Variants in ANKRD44 observed in about 807,000 individuals in gnomAD.
ANKRD44 encodes the protein ankyrin repeat domain 44.
A neutral mutation model predicts 116.0 loss-of-function variants in ANKRD44; 35 were observed. The ratio of observed to expected loss-of-function variants is 0.30; its 90% CI spans 0.23 to 0.40. ANKRD44 has a LOEUF of 0.40. Ranked by LOEUF, ANKRD44 falls within the 10% of genes least tolerant of loss-of-function variation. ANKRD44 has a pLI of 1.00. For synonymous variants in ANKRD44, 435 were observed against 461.8 expected (o/e 0.94, Z 0.74); for missense variants, 1,014 against 1,242.6 (o/e 0.82, Z 2.77).
Position 197,052,386 on chromosome 2 carries a change from C to T in ANKRD44, c.1650+26317G>A, listed in dbSNP as rs867382271. 3.3e-5 allele frequency among the ~76,000 whole-genome samples: 5 copies of T among 152,048 alleles called. No individual in the cohort carries two copies. In the South Asian group the frequency reaches 6.2e-4, roughly 19 times the overall value. On this transcript the variant is annotated intron_variant, in intron 16 of 27. Transcript: ENST00000282272. ...AGGATGAAGTGCAATAAATACCTTC[C>T]GTGTTGTGACATATAAGAAAACCTC...
At chr2:197,228,575 GC>G (rs1482723732) in intron 1 of ANKRD44, among the ~76,000 whole-genome samples, 1 of 152,116 alleles carries the variant, frequency 6.6e-6, no homozygotes, top group African/African-American at 2.4e-5. Flanking sequence ...ATCTCTAGGG[GC>G]CCCAGATGCT....
At chr2:197,191,591 G>T (rs2080824410) in intron 1 of ANKRD44, among the ~76,000 whole-genome samples, 1 of 152,214 alleles carries the variant, frequency 6.6e-6, no homozygotes, top group East Asian at 1.9e-4. Context: ...TATGTACTAG[G>T]GATAGTTATT....
At chr2:197,179,998 C>A (rs143874314) in intron 2 of ANKRD44, among the ~76,000 whole-genome samples, 1 of 152,138 alleles carries the variant, frequency 6.6e-6, no homozygotes, top group Non-Finnish European at 1.5e-5. Context: ...GAGATGGGCA[C>A]CTACCCTCAA....
chr2:197,112,752 A>C (rs1249985648), intron 8 of ANKRD44, among the ~76,000 whole-genome samples: 1 of 151,946 alleles, frequency 6.6e-6, no homozygotes, highest in East Asian at 1.9e-4. Flanking sequence ...AAAAGAAAGA[A>C]AGAAAAAGAA....
intron 16 of ANKRD44, among the ~76,000 whole-genome samples, chr2:197,054,110 G>A (rs1199004403): frequency 6.6e-6 from 1 of 152,176 alleles, no homozygotes; most frequent in East Asian, 1.9e-4. Context: ...CTCAAACCTT[G>A]AAAAATATCT....
In ANKRD44 at chr2:196,988,999, G is replaced by T; in HGVS notation, c.*592C>A. On this transcript the variant is annotated 3_prime_UTR_variant, in exon 28 of 28. Coordinates refer to ENST00000282272, the MANE Select transcript of ANKRD44 (RefSeq NM_001195144.2). Reference sequence around the variant, plus strand: ...AGCTCTAAGCTGGCTACAGACTGTGGCTGAGCAGTAGAAGATGCGTAGCCC... The same window carrying T: ...AGCTCTAAGCTGGCTACAGACTGTGTCTGAGCAGTAGAAGATGCGTAGCCC... 1 of 985,468 alleles carries T rather than the reference G, an allele frequency of 1.0e-6. No individual in the cohort carries two copies. The highest frequency in any genetic ancestry group is 1.2e-6 in the Non-Finnish European group (1 of 829,972). 61.0% of individuals were successfully genotyped at this position (985,468 alleles called of 1,614,324 possible).
At chr2:197,228,930 G>C (rs1221126142) in intron 1 of ANKRD44, among the ~76,000 whole-genome samples, 1 of 152,210 alleles carries the variant, frequency 6.6e-6, no homozygotes, top group African/African-American at 2.4e-5. Flanking sequence ...AGCTACTTGG[G>C]AGGCTGAGGC....
chr2:197,196,988 G>T (rs576442115), intron 1 of ANKRD44, among the ~76,000 whole-genome samples: 1 of 152,012 alleles, frequency 6.6e-6, no homozygotes, highest in East Asian at 1.9e-4. Flanking sequence ...AAGGCATCTT[G>T]TTATAGCAAC....
chr2:197,164,042 T>G (rs2080036544), intron 2 of ANKRD44, among the ~76,000 whole-genome samples: 1 of 152,166 alleles, frequency 6.6e-6, no homozygotes, highest in Non-Finnish European at 1.5e-5. Context: ...GAGTCCTTAC[T>G]CTTCTCAATC....
chr2:197,085,334 A>G (rs893401), intron 13 of ANKRD44, among the ~76,000 whole-genome samples: 93,661 of 152,076 alleles, frequency 0.62, 31,764 homozygotes, highest in East Asian at 0.85. Flanking sequence ...TGTCCTGAGG[A>G]GGCTCACAGT....
chr2:197,293,276 C>T lies in ANKRD44; in HGVS notation c.27+17302G>A, dbSNP rs115869809. Among the ~76,000 whole-genome samples, 1,032 of 152,280 alleles carry T rather than the reference C, an allele frequency of 6.8e-3. 17 individuals carry two copies. The highest frequency in any genetic ancestry group is 0.023 in the African/African-American group (973 of 41,548). ...TTATTCAATAGTCACTGCTAATCTACTACTACTGAGTTAACCAGAGTCTTA... is the reference window on the plus strand; with the variant it reads ...TTATTCAATAGTCACTGCTAATCTATTACTACTGAGTTAACCAGAGTCTTA... On this transcript the variant is annotated intron_variant, in intron 1 of 27. Transcript: ENST00000282272.
intron 2 of ANKRD44, among the ~76,000 whole-genome samples, chr2:197,165,052 G>A (rs1324232496): frequency 6.6e-6 from 1 of 152,172 alleles, no homozygotes; most frequent in Non-Finnish European, 1.5e-5. Context: ...GTGTGAGATG[G>A]AATGAAATGA....
intron 22 of ANKRD44, 116 bp downstream of exon 22, chr2:197,001,637 T>G (rs2125899912): frequency 1.5e-6 from 1 of 685,002 alleles, no homozygotes; most frequent in Non-Finnish European, 2.4e-6. Context: ...GCAGCAAAAA[T>G]GGAATATTTC....
intron 3 of ANKRD44, among the ~76,000 whole-genome samples, chr2:197,140,054 T>A (rs1055352276): frequency 2.7e-5 from 4 of 149,558 alleles, no homozygotes; most frequent in African/African-American, 1.0e-4. Context: ...TAATTTTTTT[T>A]ATTTTTTAGT....
chr2:197,100,720 T>G (rs2078272767), intron 9 of ANKRD44, among the ~76,000 whole-genome samples: 1 of 152,232 alleles, frequency 6.6e-6, no homozygotes, highest in African/African-American at 2.4e-5. Flanking sequence ...TTTAATATTA[T>G]GACTAAAATG....
chr2:196,967,187 C>T (rs2075677973), exon 22 of ANKRD44: 1 of 227,586 alleles, frequency 4.4e-6, no homozygotes, highest in Admixed American at 4.5e-5. Flanking sequence ...CAGCCAACAC[C>T]CTTGCCTTCT....
chr2:197,039,224 A>G (rs754318677), intron 16 of ANKRD44, among the ~76,000 whole-genome samples: 11 of 152,204 alleles, frequency 7.2e-5, no homozygotes, highest in Admixed American at 2.0e-4. Flanking sequence ...TCTTGGAGAC[A>G]GGATAGAGAA....
chr2:197,086,637 C>G (rs758892154), intron 13 of ANKRD44, 43 bp downstream of exon 13: 2 of 1,581,820 alleles, frequency 1.3e-6, no homozygotes, highest in Non-Finnish European at 1.7e-6. Flanking sequence ...ACTCCCAGTT[C>G]CTCTTATTTA....
At chr2:197,026,128 G>A (rs1333187924) in intron 16 of ANKRD44, among the ~76,000 whole-genome samples, 1 of 150,862 alleles carries the variant, frequency 6.6e-6, no homozygotes, top group South Asian at 2.1e-4. Flanking sequence ...ATAGATGAGT[G>A]CACAATAGTG....
Sources: gnomAD v4.1 joint callset for allele counts (sites outside exome capture counted in the v4.1 genomes callset) on GRCh38, gnomAD v4.1.1 for gene constraint, MANE v1.5 for transcripts, NCBI Gene and HGNC (gene_info 2026-07-23, HGNC 2026-07-21) for gene names.